The following RPL15 variants were observed in gnomAD, a reference collection of about 807,000 sequenced individuals.
RPL15 encodes the protein ribosomal protein L15, also known as large ribosomal subunit protein eL15.
For missense variants in RPL15, 161 were observed against 271.8 expected, an observed-to-expected ratio of 0.59 and a Z score of 2.87; for synonymous variants, 97 against 95.1, an observed-to-expected ratio of 1.02 and a Z score of -0.12.
intron 1 of RPL15, 152 bp from the exon 2 acceptor site, chr3:23,917,698 G>A: frequency 1.4e-6 from 1 of 716,758 alleles, no homozygotes; most frequent in South Asian, 2.0e-5. Flanking sequence ...GCGCAGTGGT[G>A]GGGGTTGGGC....
rs1575122302 is a variant in RPL15 at position 23,919,792 on chromosome 3, C to T, written c.*291C>T. The T allele has an allele frequency of 9.1e-7, 1 of 1,101,280 alleles. No homozygotes were observed. The highest frequency in any genetic ancestry group is 1.1e-6 in the Non-Finnish European group (1 of 904,080). The allele number at this position is 1,101,280 out of a possible 1,614,324, so 68.2% of individuals were successfully genotyped here. A position where few individuals can be genotyped will look rare whatever the true frequency, so the allele number is the denominator to read the frequency against. On this transcript the variant is annotated 3_prime_UTR_variant, in exon 4 of 4. Coordinates refer to ENST00000307839, the MANE Select transcript of RPL15 (RefSeq NM_002948.5). ...TAATAAATTCTTTAAAAGGAGAGAA[C>T]TGAAACTAGCCCTGTAGATTTGTCT...
chr3:23,920,578 A>C lies in RPL15; in HGVS notation c.*1077A>C. The C allele has an allele frequency of 5.1e-6, 5 of 985,332 alleles. No individual in the cohort carries two copies. Among genetic ancestry groups the C allele is most frequent in the Non-Finnish European group, 6.0e-6 (5 of 829,840 alleles). The allele number at this position is 985,332 out of a possible 1,614,324, so 61.0% of individuals were successfully genotyped here. ...TGTTGTCCAGGGTCAATTTGAGTGT[A>C]AAGAAAATGTAGACAAGGAATTGCC... On this transcript the variant is annotated 3_prime_UTR_variant, in exon 4 of 4. Coordinates refer to ENST00000307839, the MANE Select transcript of RPL15 (RefSeq NM_002948.5).
Position 23,919,184 on chromosome 3 carries a change from T to C in RPL15, c.310-12T>C. 6.2e-7 allele frequency: 1 copy of C among 1,605,194 alleles called. No individual in the cohort carries two copies. On this transcript the variant is annotated splice_polypyrimidine_tract_variant and intron_variant, in intron 3 of 3. Transcript: ENST00000307839. ...GTGGGAGATTGACCTTGGGCCTTTT[T>C]TCCTATTCTAGGAGCGAGCTGGACG...
Position 23,918,484 on chromosome 3 carries a change from C to T in RPL15, c.217C>T (p.Arg73Cys). 3 of 1,613,528 alleles carry T rather than the reference C, an allele frequency of 1.9e-6. No homozygotes were observed. Among genetic ancestry groups the T allele is most frequent in the Non-Finnish European group, 2.5e-6 (3 of 1,179,836 alleles). Residue 73 changes from arginine to cysteine, a missense_variant, in exon 3 of 4, where the codon CGC becomes TGC. Coordinates refer to ENST00000307839, the MANE Select transcript of RPL15 (RefSeq NM_002948.5). ...TCGTGTTCGCCGTGGTGGCCGAAAA[C>T]GCCCAGTTCCTAAGGGTGCAACTTA... ...RIRVRRGGRK[R>C]PVPKGATYGK...
chr3:23,919,078 C>T (rs981618715), intron 3 of RPL15, 118 bp from the exon 4 acceptor site: 2 of 687,802 alleles, frequency 2.9e-6, no homozygotes, highest in Non-Finnish European at 5.1e-6. Context: ...TAGTAAATAA[C>T]TTGAGTAGTA....
At position 23,920,610 on chromosome 3, in the gene RPL15, T is replaced by C; in HGVS notation, c.*1109T>C. The C allele has an allele frequency of 1.1e-5, 11 of 985,168 alleles. No individual in the cohort carries two copies. Among genetic ancestry groups the C allele is most frequent in the African/African-American group, 1.7e-5 (1 of 57,364 alleles). 61.0% of individuals were successfully genotyped at this position (985,168 alleles called of 1,614,324 possible). ...ATGTAGACAAGGAATTGCCCAATTT[T>C]AAATTCTGACTTTGCTGACTTAATT... is the stretch of plus-strand genomic sequence containing the variant. On this transcript the variant is annotated 3_prime_UTR_variant, in exon 4 of 4. Coordinates refer to ENST00000307839, the MANE Select transcript of RPL15 (RefSeq NM_002948.5).
downstream of RPL15, chr3:23,923,055 C>G (rs1705139820): frequency 6.6e-6 from 1 of 152,186 alleles, no homozygotes; most frequent in Non-Finnish European, 1.5e-5. Context: ...CTTCCTGTCT[C>G]TGCTTCCCAA....
At chr3:23,919,010 T>G (rs950651295) in intron 3 of RPL15, 186 bp from the exon 4 acceptor site, 6 of 604,496 alleles carry the variant, frequency 9.9e-6, no homozygotes, top group Non-Finnish European at 1.5e-5. Flanking sequence ...TCTATGTGTG[T>G]TGTTTTAGCA....
chr3:23,924,176 G>A (rs1486798851), downstream of RPL15: 2 of 152,226 alleles, frequency 1.3e-5, no homozygotes, highest in Admixed American at 1.3e-4. Flanking sequence ...TGTGTCAAAC[G>A]ACTGCATTAG....
intron 1 of RPL15, 160 bp from the exon 2 acceptor site, chr3:23,917,690 G>A: frequency 1.5e-6 from 1 of 665,432 alleles, no homozygotes; most frequent in Admixed American, 3.3e-5. Context: ...CTCCGTGGGC[G>A]CAGTGGTGGG....
chr3:23,918,406 T>TA (rs748433540), intron 2 of RPL15, 34 bp from the exon 3 acceptor site: 1 of 1,605,664 alleles, frequency 6.2e-7, no homozygotes, highest in Admixed American at 1.7e-5. Context: ...CGGCTTCCTA[T>TA]AAAATCACTA....
At chr3:23,917,652 C>G (rs914280824) in intron 1 of RPL15, 198 bp from the exon 2 acceptor site, 1 of 570,354 alleles carries the variant, frequency 1.8e-6, no homozygotes, top group African/African-American at 1.9e-5. Context: ...CCGCTCTGTG[C>G]TGGGGTTGCG....
At position 23,920,035 on chromosome 3, in the gene RPL15, A is replaced by G; in HGVS notation, c.*534A>G. On this transcript the variant is annotated 3_prime_UTR_variant, in exon 4 of 4. Transcript: ENST00000307839. Reference sequence around the variant, plus strand: ...GCTCCTGGTTCAGTGCCATGGCTTCATGGCATTCAGTGATTAGTGGTAATG... The same window carrying G: ...GCTCCTGGTTCAGTGCCATGGCTTCGTGGCATTCAGTGATTAGTGGTAATG... 1 of 986,296 alleles carries G rather than the reference A, an allele frequency of 1.0e-6. No individual in the cohort carries two copies. Among genetic ancestry groups the G allele is most frequent in the Non-Finnish European group, 1.2e-6 (1 of 830,276 alleles). The allele number at this position is 986,296 out of a possible 1,614,324, so 61.1% of individuals were successfully genotyped here.
rs1184852875 is a variant in RPL15 at position 23,919,282 on chromosome 3, T to C, written c.396T>C (p.Val132=). ...ATTCCACATACAAATTTTTTGAGGT[T>C]ATCCTCATTGATCCATTCCATAAAG... ...GEDSTYKFFE[V]ILIDPFHKAI... is the part of the protein sequence containing the mutation. The change falls in exon 4 of 4, where the codon GTT becomes GTC. Residue 132 remains valine, a synonymous_variant. Coordinates refer to ENST00000307839, the MANE Select transcript of RPL15 (RefSeq NM_002948.5). 5.0e-6 allele frequency: 8 copies of C among 1,610,192 alleles called. No individual in the cohort carries two copies. Among genetic ancestry groups the C allele is most frequent in the Admixed American group, 1.7e-5 (1 of 59,994 alleles).
chr3:23,920,507 A>G lies in RPL15; in HGVS notation c.*1006A>G. 2.0e-6 allele frequency: 2 copies of G among 985,126 alleles called. No individual in the cohort carries two copies. Among genetic ancestry groups the G allele is most frequent in the Non-Finnish European group, 2.4e-6 (2 of 829,686 alleles). 61.0% of individuals were successfully genotyped at this position (985,126 alleles called of 1,614,324 possible). A position where few individuals can be genotyped will look rare whatever the true frequency, so the allele number is the denominator to read the frequency against. Reference sequence around the variant, plus strand: ...CCACTTTGACTATGAGTATACCACCACATTGCATTTCTGTTTGCACCATGT... The same window carrying G: ...CCACTTTGACTATGAGTATACCACCGCATTGCATTTCTGTTTGCACCATGT... On this transcript the variant is annotated 3_prime_UTR_variant, in exon 4 of 4. Transcript: ENST00000307839.
chr3:23,922,031 A>C, downstream of RPL15: 6 of 158,666 alleles, frequency 3.8e-5, no homozygotes, highest in East Asian at 1.9e-4. The surrounding 1 kb of genome is among the most constrained non-coding windows in gnomAD (Gnocchi z 4.2). Flanking sequence ...AATAACAACA[A>C]TTGGCTGGGT....
intron 3 of RPL15, 134 bp downstream of exon 3, chr3:23,918,710 T>C (rs757847173): frequency 1.0e-4 from 110 of 1,073,438 alleles, no homozygotes; most frequent in Non-Finnish European, 1.3e-4. Flanking sequence ...TTTACTAATC[T>C]TGGTGAAGAG....
intron 2 of RPL15, 91 bp downstream of exon 2, chr3:23,918,122 CTT>C: frequency 6.8e-7 from 1 of 1,470,282 alleles, no homozygotes; most frequent in Non-Finnish European, 9.2e-7. Flanking sequence ...GCCTCAGTGT[CTT>C]TCTTCGCATA....
Position 23,919,123 on chromosome 3 carries a change from A to T in RPL15, c.310-73A>T. 3 of 1,018,784 alleles carry T rather than the reference A, an allele frequency of 2.9e-6. No homozygotes were observed. The South Asian group carries it at 4.1e-5, about 14-fold the overall frequency. The allele number at this position is 1,018,784 out of a possible 1,614,324, so 63.1% of individuals were successfully genotyped here. On this transcript the variant is annotated intron_variant, in intron 3 of 3. Coordinates refer to ENST00000307839, the MANE Select transcript of RPL15 (RefSeq NM_002948.5). The stretch of plus-strand genomic sequence containing the variant: ...TGTCTGGTGGTGAACTAGAGTTGAG[A>T]ATTAAAATTCTTTCTGACTTGCTGC...
Sources: allele counts gnomAD v4.1 joint callset, GRCh38; gene constraint gnomAD v4.1.1; non-coding constraint Gnocchi (gnomAD v3.1); transcripts MANE v1.5; gene names NCBI Gene and HGNC (gene_info 2026-07-23, HGNC 2026-07-21).